Variants in PPM1H observed in about 807,000 individuals in gnomAD.
The protein encoded by PPM1H is protein phosphatase 1H.
Under a neutral mutation model 54.9 loss-of-function variants are expected in PPM1H, and 27 were observed. That is an observed-to-expected ratio of 0.49 (90% CI 0.36 to 0.68). The LOEUF is 0.68. PPM1H is among the 30% of genes least tolerant of loss of function. The pLI, the probability that PPM1H is intolerant of heterozygous loss-of-function variation, is 0.00. For missense variants in PPM1H, 596 were observed against 667.8 expected, an observed-to-expected ratio of 0.89 and a Z score of 1.19; for synonymous variants, 305 against 270.8, an observed-to-expected ratio of 1.13 and a Z score of -1.24.
At chr12:62,786,909 A>C (rs927636773) in intron 4 of PPM1H, among the ~76,000 whole-genome samples, 6 of 152,252 alleles carry the variant, frequency 3.9e-5, no homozygotes, top group Admixed American at 1.3e-4. Flanking sequence ...TTCATGTAAT[A>C]CACGTTAGAA....
intron 9 of PPM1H, among the ~76,000 whole-genome samples, chr12:62,655,414 T>A (rs912023595): frequency 5.3e-5 from 8 of 152,200 alleles, no homozygotes; most frequent in Admixed American, 4.6e-4. Flanking sequence ...CCTGCCCCCA[T>A]TGTATTCTCC....
intron 6 of PPM1H, among the ~76,000 whole-genome samples, chr12:62,696,160 G>A (rs2076114143): frequency 6.6e-6 from 1 of 152,182 alleles, no homozygotes; most frequent in Non-Finnish European, 1.5e-5. Flanking sequence ...TAGAGAAGTA[G>A]TAAGAAAACT....
chr12:62,913,566 C>G (rs772568), intron 1 of PPM1H, among the ~76,000 whole-genome samples: 49,912 of 152,032 alleles, frequency 0.33, 9,809 homozygotes, highest in Non-Finnish European at 0.45. Context: ...CCTGGGGAAG[C>G]CTTCCTACAG....
chr12:62,685,393 C>T (rs1229562796), intron 8 of PPM1H, among the ~76,000 whole-genome samples: 3 of 152,166 alleles, frequency 2.0e-5, no homozygotes, highest in Non-Finnish European at 4.4e-5. Flanking sequence ...CGTCCCTAAA[C>T]ACTGACCAAA....
intron 9 of PPM1H, among the ~76,000 whole-genome samples, chr12:62,663,491 T>A (rs2075898017): frequency 6.6e-6 from 1 of 152,072 alleles, no homozygotes; most frequent in African/African-American, 2.4e-5. Flanking sequence ...CAGCCAAAAT[T>A]TGCATTTCTA....
In PPM1H at chr12:62,658,907, A is replaced by G. The variant is rs2075863526; in HGVS notation, c.1397+8271T>C. 3 of 665,126 alleles carry G rather than the reference A, an allele frequency of 4.5e-6. No individual in the cohort carries two copies. In the East Asian group the frequency reaches 9.4e-5, roughly 21 times the overall value. 41.2% of individuals were successfully genotyped at this position (665,126 alleles called of 1,614,324 possible). ...CCAGCACCAGTCTGACCAATATGTC[A>G]AAATTAAGCGTAACTGGCAGAAACC... On this transcript the variant is annotated intron_variant, in intron 9 of 9. Coordinates refer to ENST00000228705, the MANE Select transcript of PPM1H (RefSeq NM_020700.2).
intron 3 of PPM1H, among the ~76,000 whole-genome samples, chr12:62,793,515 G>A (rs7974192): frequency 0.016 from 2,408 of 151,880 alleles, 66 homozygotes; most frequent in African/African-American, 0.055. Flanking sequence ...ACCTGAGGTC[G>A]GGCAGTGGAG....
At chr12:62,655,985 A>T (rs1413286635) in intron 9 of PPM1H, among the ~76,000 whole-genome samples, 1 of 152,204 alleles carries the variant, frequency 6.6e-6, no homozygotes, top group Non-Finnish European at 1.5e-5. Flanking sequence ...AGCGGGAGGG[A>T]GCAGAGAAAG....
At chr12:62,708,901 C>G (rs1465496000) in intron 6 of PPM1H, among the ~76,000 whole-genome samples, 12 of 152,114 alleles carry the variant, frequency 7.9e-5, no homozygotes, top group Non-Finnish European at 4.4e-5. Flanking sequence ...CCCTATATGT[C>G]CTGGATATAC....
intron 1 of PPM1H, 81 bp from the exon 2 acceptor site, chr12:62,832,360 A>G: frequency 7.2e-7 from 1 of 1,380,498 alleles, no homozygotes; most frequent in South Asian, 1.3e-5. Flanking sequence ...CAGCCAAGAC[A>G]GTCTCTACAA....
intron 1 of PPM1H, among the ~76,000 whole-genome samples, chr12:62,905,587 T>C (rs1871280880): frequency 6.6e-6 from 1 of 152,226 alleles, no homozygotes. Flanking sequence ...CTAGGTGTTT[T>C]GTTTCTTCTA....
intron 1 of PPM1H, among the ~76,000 whole-genome samples, chr12:62,912,342 C>T (rs1431989096): frequency 6.6e-6 from 1 of 152,168 alleles, no homozygotes; most frequent in Non-Finnish European, 1.5e-5. Flanking sequence ...ATTATGGTGG[C>T]AGTAACAGAT....
At chr12:62,823,335 T>G (rs11830261) in intron 2 of PPM1H, among the ~76,000 whole-genome samples, 9,767 of 152,220 alleles carry the variant, frequency 0.064, 416 homozygotes, top group African/African-American at 0.12. Context: ...GCTGGTACCA[T>G]TCCTTCTGAA....
At chr12:62,847,479 G>T (rs2120919320) in intron 1 of PPM1H, among the ~76,000 whole-genome samples, 1 of 152,276 alleles carries the variant, frequency 6.6e-6, no homozygotes, top group East Asian at 1.9e-4. Context: ...CTGATATACT[G>T]CAGGCAGTCA....
intron 5 of PPM1H, among the ~76,000 whole-genome samples, chr12:62,729,175 G>A (rs139469086): frequency 4.0e-5 from 6 of 151,026 alleles, no homozygotes; most frequent in African/African-American, 1.2e-4. Flanking sequence ...GGCGGCTTAC[G>A]GGCAGAAATG....
chr12:62,731,703 T>A (rs1344083337), intron 5 of PPM1H, among the ~76,000 whole-genome samples: 1 of 152,200 alleles, frequency 6.6e-6, no homozygotes, highest in African/African-American at 2.4e-5. Context: ...GAAAAACAGC[T>A]GCAAACTTGG....
intron 2 of PPM1H, among the ~76,000 whole-genome samples, chr12:62,831,707 ATGTGTGTGTG>A (rs371871033): frequency 3.2e-4 from 38 of 117,164 alleles, no homozygotes; most frequent in African/African-American, 1.2e-3. Flanking sequence ...TTGTGTGTGT[ATGTGTGTGTG>A]TGTGTGTGTG....
chr12:62,836,488 G>C (rs1194547474), intron 1 of PPM1H, among the ~76,000 whole-genome samples: 1 of 152,270 alleles, frequency 6.6e-6, no homozygotes, highest in African/African-American at 2.4e-5. Context: ...AACTCTATAA[G>C]GTAGCTGCCA....
chr12:62,804,351 C>CATAAAAAAAAAAAAAAA (rs2076791320), intron 2 of PPM1H, among the ~76,000 whole-genome samples: 1 of 137,622 alleles, frequency 7.3e-6, no homozygotes, highest in African/African-American at 3.0e-5. Flanking sequence ...GACCCTGTCT[C>CATAAAAAAAAAAAAAAA]AAAAAAAAAA....
Sources: gnomAD v4.1 joint callset for allele counts (sites outside exome capture counted in the v4.1 genomes callset) on GRCh38, gnomAD v4.1.1 for gene constraint, MANE v1.5 for transcripts, NCBI Gene and HGNC (gene_info 2026-07-23, HGNC 2026-07-21) for gene names.